Variants in ZNF333 observed in about 807,000 individuals in gnomAD.
ZNF333 encodes zinc finger protein 333.
In ZNF333, 61 loss-of-function variants were observed where a neutral mutation model predicts 76.1. The observed-to-expected ratio is 0.80, with a 90% CI of 0.65 to 0.99. ZNF333 has a LOEUF of 0.99. ZNF333 is among the 50% of genes least tolerant of loss of function. ZNF333 has a pLI of 0.00. For synonymous variants in ZNF333, 284 were observed against 305.0 expected (o/e 0.93, Z 0.72); for missense variants, 717 against 822.4 (o/e 0.87, Z 1.57).
At chr19:14,713,711 T>C (rs1241261220) in intron 7 of ZNF333, among the ~76,000 whole-genome samples, 1 of 152,018 alleles carries the variant, frequency 6.6e-6, no homozygotes, top group African/African-American at 2.4e-5. Context: ...TAATCCTGGC[T>C]ACTCAGGAGG....
rs1475958668 is a variant in ZNF333 at position 14,720,995 on chromosome 19, C to T, written c.*1670C>T. 3 of 901,732 alleles carry T rather than the reference C, an allele frequency of 3.3e-6. No homozygotes were observed. The allele number at this position is 901,732 out of a possible 1,614,324, so 55.9% of individuals were successfully genotyped here. ...ACTTTTATTCTTATAAAGTGATCAT[C>T]CTTTTCCCTATTACTGAACATTCAA... On this transcript the variant is annotated 3_prime_UTR_variant, in exon 12 of 12. Transcript: ENST00000292530.
chr19:14,695,682 G>A, intron 4 of ZNF333, 21 bp downstream of exon 4: 1 of 1,611,202 alleles, frequency 6.2e-7, no homozygotes, highest in Non-Finnish European at 8.5e-7. Flanking sequence ...GGCAGGCTGT[G>A]GATCCCCCGA....
At position 14,716,988 on chromosome 19, in the gene ZNF333, G is replaced by T; in HGVS notation, c.728-6G>T. On this transcript the variant is annotated splice_polypyrimidine_tract_variant and splice_region_variant and intron_variant, in intron 9 of 11. Coordinates refer to ENST00000292530, the MANE Select transcript of ZNF333 (RefSeq NM_032433.4). ...CGCACAACATGTGTTTTTTTCTCAT[G>T]AGCAGCTGATCAACTGTGCAAACCC... 6.2e-7 allele frequency: 1 copy of T among 1,608,158 alleles called. No individual in the cohort carries two copies. The highest frequency in any genetic ancestry group is 1.1e-5 in the South Asian group (1 of 89,868).
At position 14,718,795 on chromosome 19, in the gene ZNF333, C is replaced by T; in HGVS notation, c.1468C>T (p.His490Tyr). 1.2e-6 allele frequency: 2 copies of T among 1,613,950 alleles called. No homozygotes were observed. The highest frequency in any genetic ancestry group is 2.2e-5 in the South Asian group (2 of 91,072). ...CCAGTGTGGGAAAGCCTTCAGGGAACACTCTTCACTGAAGACACATCTGCG... is the reference window on the plus strand; with the variant it reads ...CCAGTGTGGGAAAGCCTTCAGGGAATACTCTTCACTGAAGACACATCTGCG... Reference protein sequence around the residue: ...CSQCGKAFREHSSLKTHLRTH... With the variant: ...CSQCGKAFREYSSLKTHLRTH... Residue 490 changes from histidine (H) to tyrosine (Y), a missense_variant, in exon 12 of 12, where the codon CAC (histidine) becomes TAC (tyrosine). Physicochemically the swap from His to Tyr is moderately conservative, Grantham distance 83. Transcript: ENST00000292530.
intron 7 of ZNF333, among the ~76,000 whole-genome samples, chr19:14,710,901 T>A (rs1406688221): frequency 6.6e-6 from 1 of 151,830 alleles, no homozygotes; most frequent in African/African-American, 2.4e-5. Flanking sequence ...TGCTTCCACT[T>A]AGGTCAGAAG....
At chr19:14,728,276 A>C (rs2042646453) in intron 11 of ZNF333, among the ~76,000 whole-genome samples, 1 of 152,216 alleles carries the variant, frequency 6.6e-6, no homozygotes, top group Non-Finnish European at 1.5e-5. Flanking sequence ...TGGTAAAGGC[A>C]TGAGATAATT....
At chr19:14,694,664 C>CA (rs1973042576) in intron 2 of ZNF333, among the ~76,000 whole-genome samples, 2 of 152,152 alleles carry the variant, frequency 1.3e-5, no homozygotes, top group South Asian at 4.1e-4. Flanking sequence ...CAGGGAGGGA[C>CA]AGGCTCTGCC....
At chr19:14,709,872 G>A (rs1251655871) in intron 7 of ZNF333, among the ~76,000 whole-genome samples, 3 of 152,306 alleles carry the variant, frequency 2.0e-5, no homozygotes, top group South Asian at 2.1e-4. Flanking sequence ...ATGACAGCTC[G>A]ACAGCTCAAC....
downstream of ZNF333, among the ~76,000 whole-genome samples, chr19:14,725,923 C>T (rs2042630297): frequency 6.6e-6 from 1 of 152,202 alleles, no homozygotes; most frequent in Non-Finnish European, 1.5e-5. Flanking sequence ...CTCCACTAGG[C>T]AGTGCCCTGG....
intron 4 of ZNF333, among the ~76,000 whole-genome samples, chr19:14,698,919 T>TATATATAC (rs1568527804): frequency 1.6e-5 from 2 of 123,612 alleles, no homozygotes; most frequent in Non-Finnish European, 3.8e-5. Context: ...TATATATATA[T>TATATATAC]ATATATATAT....
At chr19:14,715,334 C>G (rs1460904502) in intron 7 of ZNF333, 48 bp from the exon 8 acceptor site, 2 of 1,573,332 alleles carry the variant, frequency 1.3e-6, no homozygotes, top group Admixed American at 1.7e-5. Flanking sequence ...TGTGAGTGTG[C>G]CCAGTAGGCC....
At chr19:14,710,150 G>A (rs1265673134) in intron 7 of ZNF333, among the ~76,000 whole-genome samples, 1 of 152,210 alleles carries the variant, frequency 6.6e-6, no homozygotes. Flanking sequence ...ATTGTTCAGG[G>A]CTTGGAAGTG....
In ZNF333 at chr19:14,712,255, C is replaced by T. The variant is rs182638607; in HGVS notation, c.512-3127C>T. 5.0e-3 allele frequency among the ~76,000 whole-genome samples: 753 copies of T among 151,598 alleles called. 3 individuals carry two copies. The highest frequency in any genetic ancestry group is 0.014 in the Admixed American group (217 of 15,226). ...TTTTTTTTAAGACATAGTCTTGCTC[C>T]GTTGCCCAGGCTGGAGTGCAGTGGT... On this transcript the variant is annotated intron_variant, in intron 7 of 11. Coordinates refer to ENST00000292530, the MANE Select transcript of ZNF333 (RefSeq NM_032433.4).
intron 11 of ZNF333, among the ~76,000 whole-genome samples, chr19:14,730,983 T>C (rs550241185): frequency 5.3e-5 from 8 of 151,956 alleles, no homozygotes; most frequent in Non-Finnish European, 1.2e-4. Context: ...CACACCACCA[T>C]CAGTCTTTCA....
chr19:14,697,361 T>C (rs998107926), intron 4 of ZNF333, among the ~76,000 whole-genome samples: 8 of 140,274 alleles, frequency 5.7e-5, no homozygotes, highest in East Asian at 4.1e-4. Context: ...TCTTTTCTTT[T>C]TTTTTTTTTT....
In ZNF333 at chr19:14,720,699, G is replaced by T; in HGVS notation, c.*1374G>T. On this transcript the variant is annotated 3_prime_UTR_variant, in exon 12 of 12. Transcript: ENST00000292530. ...TGTCAGTTTTTATAAATGCTTCATGGATGGTTGAAATCAATGTATTGTATT... is the reference window on the plus strand; with the variant it reads ...TGTCAGTTTTTATAAATGCTTCATGTATGGTTGAAATCAATGTATTGTATT... 1 of 985,340 alleles carries T rather than the reference G, an allele frequency of 1.0e-6. No individual in the cohort carries two copies. The highest frequency in any genetic ancestry group is 4.7e-5 in the South Asian group (1 of 21,284). The allele number at this position is 985,340 out of a possible 1,614,324, so 61.0% of individuals were successfully genotyped here.
chr19:14,706,894 TAGAG>T, intron 7 of ZNF333, 121 bp downstream of exon 7: 1 of 765,646 alleles, frequency 1.3e-6, no homozygotes, highest in Non-Finnish European at 2.1e-6. Context: ...CGTGGCACCA[TAGAG>T]AGGATACAGA....
intron 7 of ZNF333, chr19:14,707,851 A>G (rs1480353651): frequency 1.0e-5 from 4 of 390,912 alleles, no homozygotes; most frequent in African/African-American, 6.2e-5. Flanking sequence ...GCGCCCGGCC[A>G]TAAACTTTGT....
chr19:14,693,591 A>C, intron 2 of ZNF333, 97 bp downstream of exon 2: 1 of 1,414,550 alleles, frequency 7.1e-7, no homozygotes, highest in Non-Finnish European at 9.6e-7. Context: ...TCCGTCCCCA[A>C]CTGAGGAAGA....
Sources: gnomAD v4.1 joint callset for allele counts (sites outside exome capture counted in the v4.1 genomes callset) on GRCh38, gnomAD v4.1.1 for gene constraint, MANE v1.5 for transcripts, NCBI Gene and HGNC (gene_info 2026-07-23, HGNC 2026-07-21) for gene names.